Variants in DENND3 observed in about 807,000 individuals in gnomAD.
DENND3 encodes DENN domain containing 3, also known as DENN domain-containing protein 3.
DENND3 carries 88 observed loss-of-function variants against 135.1 expected under a neutral mutation model. That is an observed-to-expected ratio of 0.65 (90% confidence interval 0.55 to 0.78). The LOEUF (loss-of-function observed/expected upper bound fraction) is 0.78. Ranked by LOEUF, DENND3 falls within the 30% of genes least tolerant of loss-of-function variation. The probability of loss-of-function intolerance (pLI) is 0.00; values close to 1 mark genes in which losing one functional copy is unlikely to be tolerated. For missense variants in DENND3, 1,392 were observed against 1,688.4 expected (o/e 0.82, Z 3.08); for synonymous variants, 693 against 712.3 (o/e 0.97, Z 0.43).
At chr8:141,189,385 C>T (rs1245053424) in intron 19 of DENND3, among the ~76,000 whole-genome samples, 6 of 152,272 alleles carry the variant, frequency 3.9e-5, no homozygotes, top group African/African-American at 1.4e-4. Flanking sequence ...CCCGGCCTTC[C>T]TGCTGAGCTT....
rs1819208423 is a variant in DENND3 at position 141,154,556 on chromosome 8, T to TTTTTTTTCTTTTTTTTTC, written c.1075-1286_1075-1285insCTTTTTTTTTCTTTTTTT. 6.6e-6 allele frequency among the ~76,000 whole-genome samples: 1 copy of TTTTTTTTCTTTTTTTTTC among 151,336 alleles called. No homozygotes were observed. Among genetic ancestry groups the TTTTTTTTCTTTTTTTTTC allele is most frequent in the Non-Finnish European group, 1.5e-5 (1 of 67,830 alleles). ...TTGTCAACAACATGTATTGGAATCT[T>TTTTTTTTCTTTTTTTTTC]TTTTTTTTCTTTTTTTTTTTTGTGA... On this transcript the variant is annotated intron_variant, in intron 7 of 22. Coordinates refer to ENST00000519811, the MANE Select transcript of DENND3 (RefSeq NM_001352890.3). This position sits in a 1 kb window ranked among gnomAD's most constrained non-coding sequence, Gnocchi z 4.4.
chr8:141,192,729 A>G (rs1475166199), intron 22 of DENND3, 66 bp downstream of exon 22: 1 of 1,608,652 alleles, frequency 6.2e-7, no homozygotes, highest in Non-Finnish European at 8.5e-7. Context: ...CCGCATCCCC[A>G]TGCTCCCGAG....
intron 1 of DENND3, among the ~76,000 whole-genome samples, chr8:141,131,691 A>G (rs1256360770): frequency 6.6e-6 from 1 of 152,222 alleles, no homozygotes; most frequent in Non-Finnish European, 1.5e-5. Context: ...TCCACTGTGT[A>G]CTCTAACTTA....
At chr8:141,147,587 A>G (rs1287698221) in intron 5 of DENND3, among the ~76,000 whole-genome samples, 1 of 152,226 alleles carries the variant, frequency 6.6e-6, no homozygotes, top group Non-Finnish European at 1.5e-5. Context: ...CTCAGCGGTC[A>G]GGTCTTCGGA....
rs1817514152 is a variant in DENND3, at chr8:141,141,961, T to G, written c.623+637T>G. 4.9e-6 allele frequency: 1 copy of G among 206,096 alleles called. No individual in the cohort carries two copies. Among genetic ancestry groups the G allele is most frequent in the African/African-American group, 2.4e-5 (1 of 41,860 alleles). The allele number at this position is 206,096 out of a possible 1,614,324, so 12.8% of individuals were successfully genotyped here. On this transcript the variant is annotated intron_variant, in intron 4 of 22. Coordinates refer to ENST00000519811, the MANE Select transcript of DENND3 (RefSeq NM_001352890.3). The surrounding 1 kb of genome is among the most constrained non-coding windows in gnomAD (Gnocchi z 5.3). ...GGGAAGGCTAACGCAGGAGGATGGC[T>G]TAAGCCTAGGAGTTCAAGGCTGCAG...
rs1400937433 is a variant in DENND3 at position 141,175,999 on chromosome 8, T to C, written c.2535+540T>C. On this transcript the variant is annotated intron_variant, in intron 14 of 22. Coordinates refer to ENST00000519811, the MANE Select transcript of DENND3 (RefSeq NM_001352890.3). The surrounding 1 kb of genome is among the most constrained non-coding windows in gnomAD (Gnocchi z 5.4). ...AATCTGAATTTCATCCTGATTCCTC[T>C]TACGCCTTATAGTTGTTTTCCCAGA... is the stretch of plus-strand genomic sequence containing the variant. 1 of 191,742 alleles carries C rather than the reference T, an allele frequency of 5.2e-6. No homozygotes were observed. Among genetic ancestry groups the C allele is most frequent in the Non-Finnish European group, 1.1e-5 (1 of 91,342 alleles). The allele number at this position is 191,742 out of a possible 1,614,324, so 11.9% of individuals were successfully genotyped here. A position where few individuals can be genotyped will look rare whatever the true frequency, so the allele number is the denominator to read the frequency against.
chr8:141,175,935 A>T lies in DENND3; in HGVS notation c.2535+476A>T. 1 of 211,928 alleles carries T rather than the reference A, an allele frequency of 4.7e-6. No individual in the cohort carries two copies. The highest frequency in any genetic ancestry group is 6.7e-5 in the South Asian group (1 of 14,898). The allele number at this position is 211,928 out of a possible 1,614,324, so 13.1% of individuals were successfully genotyped here. ...ATTAAAAAATCTTCAAACAGTTTTA[A>T]CATTATATTCTAAAGGTAGTCATTT... On this transcript the variant is annotated intron_variant, in intron 14 of 22. Coordinates refer to ENST00000519811, the MANE Select transcript of DENND3 (RefSeq NM_001352890.3). The surrounding 1 kb of genome is among the most constrained non-coding windows in gnomAD (Gnocchi z 5.4).
At chr8:141,169,917 C>T (rs532472810) in intron 13 of DENND3, among the ~76,000 whole-genome samples, 15 of 152,334 alleles carry the variant, frequency 9.8e-5, no homozygotes, top group African/African-American at 3.1e-4. Context: ...TCAGTGGTGT[C>T]GCACCTGTTT....
At chr8:141,178,304 C>G (rs574517023) in intron 16 of DENND3, 108 bp downstream of exon 16, 2 of 1,444,448 alleles carry the variant, frequency 1.4e-6, no homozygotes, top group Non-Finnish European at 9.2e-7. Context: ...CCAGCTCCCC[C>G]AGTTTTTTCT....
At chr8:141,190,774 G>A (rs1824617992) in intron 20 of DENND3, 1 of 215,462 alleles carries the variant, frequency 4.6e-6, no homozygotes, top group Non-Finnish European at 9.2e-6. Context: ...AGGCCTCTGT[G>A]TGCGTCACGT....
Position 141,154,672 on chromosome 8 carries a change from C to T in DENND3, c.1075-1177C>T, listed in dbSNP as rs754566970. On this transcript the variant is annotated intron_variant, in intron 7 of 22. Coordinates refer to ENST00000519811, the MANE Select transcript of DENND3 (RefSeq NM_001352890.3). This position sits in a 1 kb window ranked among gnomAD's most constrained non-coding sequence, Gnocchi z 4.4. The stretch of plus-strand genomic sequence containing the variant: ...CCGCCTCCTGGGTTCAAGCGATTCT[C>T]CTGCCTCAGCCTCCTGAGTAGCTGG... Among the ~76,000 whole-genome samples, 24 of 151,984 alleles carry T rather than the reference C, an allele frequency of 1.6e-4. No homozygotes were observed. The highest frequency in any genetic ancestry group is 4.8e-4 in the African/African-American group (20 of 41,376).
chr8:141,143,285 A>G (rs1430550515), intron 4 of DENND3, among the ~76,000 whole-genome samples: 1 of 152,076 alleles, frequency 6.6e-6, no homozygotes, highest in Non-Finnish European at 1.5e-5. Context: ...ATTTTTTTTT[A>G]TTATACTTTA....
intron 17 of DENND3, among the ~76,000 whole-genome samples, chr8:141,183,876 TC>T (rs992235458): frequency 6.6e-6 from 1 of 151,048 alleles, no homozygotes; most frequent in African/African-American, 2.4e-5. Context: ...AGGAGTGGAG[TC>T]CAGGCCGCCA....
chr8:141,135,344 G>A (rs1469157020), intron 1 of DENND3, among the ~76,000 whole-genome samples: 1 of 151,834 alleles, frequency 6.6e-6, no homozygotes, highest in Non-Finnish European at 1.5e-5. Flanking sequence ...TAGAGACGAG[G>A]TCTCATTTTG....
chr8:141,140,433 C>T (rs1817312613), intron 3 of DENND3, among the ~76,000 whole-genome samples: 1 of 152,132 alleles, frequency 6.6e-6, no homozygotes, highest in Non-Finnish European at 1.5e-5. Flanking sequence ...CTAACCACAA[C>T]GAATGAGGTT....
In DENND3 at chr8:141,192,390, A is replaced by G. The variant is rs1287022315; in HGVS notation, c.3439A>G (p.Ile1147Val). 7.4e-6 allele frequency: 12 copies of G among 1,614,124 alleles called. No homozygotes were observed. Among genetic ancestry groups the G allele is most frequent in the Non-Finnish European group, 8.5e-6 (10 of 1,180,040 alleles). Reference protein sequence around the residue: ...MNGSLHQELKIEENFKDTSTS... With the variant: ...MNGSLHQELKVEENFKDTSTS... ...TGGATCCCTCCATCAAGAATTGAAG[A>G]TTGAGGAGAACTTCAAAGACACCAG... The change falls in exon 21 of 23, where the codon ATT becomes GTT. Residue 1147 changes from isoleucine to valine, a missense_variant. Physicochemically the swap from Ile to Val is conservative, Grantham distance 29. Coordinates refer to ENST00000519811, the MANE Select transcript of DENND3 (RefSeq NM_001352890.3).
chr8:141,193,811 G>C, intron 22 of DENND3: 3 of 597,062 alleles, frequency 5.0e-6, no homozygotes, highest in Non-Finnish European at 6.0e-6. Context: ...CCAGCACGCA[G>C]TGCAGTCTTC....
rs1337877490 is a variant in DENND3, at chr8:141,185,174, C to T, written c.2980C>T (p.His994Tyr). The T allele has an allele frequency of 6.2e-7, 1 of 1,614,058 alleles. No individual in the cohort carries two copies. The highest frequency in any genetic ancestry group is 8.5e-7 in the Non-Finnish European group (1 of 1,179,960). ...LDPAEKVEDAHPKLWCALSEG... is the reference protein window; with the variant it reads ...LDPAEKVEDAYPKLWCALSEG... ...CCCAGCCGAAAAAGTTGAAGATGCT[C>T]ACCCCAAGTTATGGTGTGCTCTGAG... Residue 994 changes from histidine to tyrosine, a missense_variant, in exon 18 of 23, where the codon CAC becomes TAC. His to Tyr is a moderately conservative substitution (Grantham distance 83). Transcript: ENST00000519811.
chr8:141,153,420 CA>C (rs980635873), intron 7 of DENND3, among the ~76,000 whole-genome samples: 6 of 152,196 alleles, frequency 3.9e-5, no homozygotes, highest in South Asian at 4.1e-4. Context: ...TAAGTGTGCA[CA>C]AAAATAGAAG....
Sources: allele counts gnomAD v4.1 joint callset (sites outside exome capture counted in the v4.1 genomes callset), GRCh38; gene constraint gnomAD v4.1.1; non-coding constraint Gnocchi (gnomAD v3.1); transcripts MANE v1.5; gene names NCBI Gene and HGNC (gene_info 2026-07-23, HGNC 2026-07-21).